The following DCC variants were observed in gnomAD, a reference collection of about 807,000 sequenced individuals.
DCC encodes the protein DCC netrin 1 receptor.
A neutral mutation model predicts 172.5 loss-of-function variants in DCC; 58 were observed. That is an observed-to-expected ratio of 0.34 (90% CI 0.27 to 0.42). DCC has a LOEUF of 0.42. Ranked by LOEUF, DCC falls within the 10% of genes least tolerant of loss-of-function variation. The probability of loss-of-function intolerance (pLI) is 1.00; values close to 1 mark genes in which losing one functional copy is unlikely to be tolerated. For synonymous variants in DCC, 709 were observed against 644.5 expected, an observed-to-expected ratio of 1.10 and a Z score of -1.52; for missense variants, 1,740 against 1,791.0, an observed-to-expected ratio of 0.97 and a Z score of 0.51.
At chr18:52,704,289 T>C (rs1054558316) in intron 1 of DCC, among the ~76,000 whole-genome samples, 1 of 152,160 alleles carries the variant, frequency 6.6e-6, no homozygotes, top group Admixed American at 6.5e-5. Flanking sequence ...TCTGTGCCCT[T>C]ACAACATGGA....
intron 1 of DCC, among the ~76,000 whole-genome samples, chr18:52,521,449 G>A (rs2031812312): frequency 6.6e-6 from 1 of 152,120 alleles, no homozygotes. Flanking sequence ...TCAAGGTCTG[G>A]TAGGGTTCAG....
intron 27 of DCC, among the ~76,000 whole-genome samples, chr18:53,500,299 TAAATAAA>T (rs2046081024): frequency 6.7e-6 from 1 of 150,024 alleles, no homozygotes; most frequent in Non-Finnish European, 1.5e-5. Context: ...TAAGTAGAGA[TAAATAAA>T]TAATAGTACT....
chr18:53,343,030 C>G (rs1251261416), intron 15 of DCC, among the ~76,000 whole-genome samples: 2 of 151,080 alleles, frequency 1.3e-5, no homozygotes, highest in Non-Finnish European at 3.0e-5. Flanking sequence ...AACCTTGTAT[C>G]CTAATATCTG....
chr18:52,788,971 C>G (rs2163547), intron 2 of DCC, among the ~76,000 whole-genome samples: 86,089 of 152,024 alleles, frequency 0.57, 28,263 homozygotes, highest in East Asian at 0.88. Flanking sequence ...TGATTCTTAT[C>G]TCTTGGGGGA....
intron 7 of DCC, among the ~76,000 whole-genome samples, chr18:53,067,799 C>T (rs930975413): frequency 4.6e-5 from 7 of 152,194 alleles, no homozygotes; most frequent in African/African-American, 1.2e-4. Flanking sequence ...TGACATGGCT[C>T]GCTTTTGTGT....
At chr18:52,389,723 C>G (rs1985954671) in intron 1 of DCC, among the ~76,000 whole-genome samples, 2 of 151,994 alleles carry the variant, frequency 1.3e-5, no homozygotes, top group South Asian at 4.1e-4. Flanking sequence ...ACTTAAAAAT[C>G]AATTATCTTG....
At chr18:53,173,568 A>G (rs543570854) in intron 8 of DCC, among the ~76,000 whole-genome samples, 4 of 152,292 alleles carry the variant, frequency 2.6e-5, no homozygotes, top group Admixed American at 2.6e-4. Flanking sequence ...AACAAAGATC[A>G]AAAGAGACAA....
intron 1 of DCC, among the ~76,000 whole-genome samples, chr18:52,568,852 A>G (rs1293594611): frequency 2.0e-5 from 3 of 152,220 alleles, no homozygotes; most frequent in African/African-American, 7.2e-5. Flanking sequence ...AATTTTTCAA[A>G]TAAGTGCTTA....
At chr18:52,709,035 CTCT>C (rs2036254577) in intron 1 of DCC, among the ~76,000 whole-genome samples, 1 of 152,146 alleles carries the variant, frequency 6.6e-6, no homozygotes, top group Admixed American at 6.5e-5. Flanking sequence ...GCAATCTTTT[CTCT>C]TCTTTTTCGC....
rs550113566 is a variant in DCC at position 52,363,262 on chromosome 18, G to T, written c.91+22384G>T. Reference sequence around the variant, plus strand: ...ATCAAGAAGTCTGTATTCAGACCAGGTTCAGCTCAGACTAATTAATGAAAT... The same window carrying T: ...ATCAAGAAGTCTGTATTCAGACCAGTTTCAGCTCAGACTAATTAATGAAAT... On this transcript the variant is annotated intron_variant, in intron 1 of 28. Transcript: ENST00000442544. Among the ~76,000 whole-genome samples, 166 of 152,274 alleles carry T rather than the reference G, an allele frequency of 1.1e-3. 1 individual carries two copies. Among genetic ancestry groups the T allele is most frequent in the African/African-American group, 3.8e-3 (158 of 41,558 alleles).
chr18:53,199,065 T>C (rs1411761137), intron 9 of DCC, among the ~76,000 whole-genome samples: 11 of 143,326 alleles, frequency 7.7e-5, no homozygotes. Flanking sequence ...TTGTTAAAAA[T>C]TTTTTTTCTT....
At chr18:53,103,322 A>G (rs1598804616) in intron 7 of DCC, among the ~76,000 whole-genome samples, 1 of 152,082 alleles carries the variant, frequency 6.6e-6, no homozygotes, top group African/African-American at 2.4e-5. Flanking sequence ...GGGAACACAA[A>G]GCAATGGGAA....
chr18:52,915,965 G>T (rs146025970), intron 3 of DCC, among the ~76,000 whole-genome samples: 1 of 151,860 alleles, frequency 6.6e-6, no homozygotes, highest in African/African-American at 2.4e-5. Flanking sequence ...GGGGATCTGC[G>T]AGGTCAAAGA....
At chr18:52,909,974 G>C (rs371814556) in intron 3 of DCC, among the ~76,000 whole-genome samples, 27 of 152,218 alleles carry the variant, frequency 1.8e-4, no homozygotes, top group African/African-American at 6.0e-4. Flanking sequence ...AGAAAATAGA[G>C]ATCAAAAGCT....
At chr18:52,768,103 G>A (rs888724295) in intron 2 of DCC, among the ~76,000 whole-genome samples, 3 of 152,164 alleles carry the variant, frequency 2.0e-5, no homozygotes, top group African/African-American at 7.2e-5. Context: ...GTAAAACAAG[G>A]TGACATATTA....
intron 1 of DCC, among the ~76,000 whole-genome samples, chr18:52,565,720 G>A (rs1384366393): frequency 6.6e-6 from 1 of 151,980 alleles, no homozygotes; most frequent in East Asian, 1.9e-4. Flanking sequence ...TAAGTTCTTT[G>A]TAGATTCTGG....
At chr18:53,371,180 T>A (rs559960349) in intron 15 of DCC, among the ~76,000 whole-genome samples, 7 of 152,010 alleles carry the variant, frequency 4.6e-5, no homozygotes, top group Admixed American at 4.6e-4. Context: ...CATTTCAGGG[T>A]ATCTTTTAAA....
intron 5 of DCC, among the ~76,000 whole-genome samples, chr18:53,060,962 A>G (rs2042487238): frequency 6.6e-6 from 1 of 152,194 alleles, no homozygotes; most frequent in South Asian, 2.1e-4. Flanking sequence ...AAGAGGCTAC[A>G]TACATACACA....
At chr18:52,834,760 CTG>C (rs1301787311) in intron 2 of DCC, among the ~76,000 whole-genome samples, 2 of 151,928 alleles carry the variant, frequency 1.3e-5, no homozygotes, top group Non-Finnish European at 2.9e-5. Flanking sequence ...TTTTAATTCT[CTG>C]TGGTCTTCCT....
Sources: gnomAD v4.1 joint callset for allele counts (sites outside exome capture counted in the v4.1 genomes callset) on GRCh38, gnomAD v4.1.1 for gene constraint, MANE v1.5 for transcripts, NCBI Gene and HGNC (gene_info 2026-07-23, HGNC 2026-07-21) for gene names.